VPS37A: variants seen among roughly 807,000 people sequenced by gnomAD.
VPS37A encodes vacuolar protein sorting-associated protein 37A.
In VPS37A, 30 loss-of-function variants were observed where a neutral mutation model predicts 49.8. That is an observed-to-expected ratio of 0.60 (90% CI 0.45 to 0.82). The LOEUF (loss-of-function observed/expected upper bound fraction) is 0.82. VPS37A is among the 40% of genes least tolerant of loss of function. VPS37A has a pLI of 0.00. For missense variants in VPS37A, 593 were observed against 464.4 expected (o/e 1.28, Z -2.55); for synonymous variants, 195 against 160.6 (o/e 1.21, Z -1.62).
At chr8:17,324,180 T>C in the VPS37A span, among the ~76,000 whole-genome samples, 4 of 152,290 alleles carry the variant, frequency 2.6e-5, no homozygotes, top group African/African-American at 9.6e-5. Context: ...TCAAAATTGG[T>C]TACTTCTTTC....
chr8:17,331,666 C>G, the VPS37A span, among the ~76,000 whole-genome samples: 1 of 152,186 alleles, frequency 6.6e-6, no homozygotes, highest in African/African-American at 2.4e-5. Flanking sequence ...TCAGCAGAAA[C>G]AGCTGTCAAA....
At chr8:17,329,133 C>T in the VPS37A span, among the ~76,000 whole-genome samples, 105 of 152,234 alleles carry the variant, frequency 6.9e-4, no homozygotes, top group African/African-American at 1.9e-3. Context: ...ATGAATGAAA[C>T]GCATCATTCA....
chr8:17,311,209 G>T, the VPS37A span, among the ~76,000 whole-genome samples: 1 of 152,092 alleles, frequency 6.6e-6, no homozygotes, highest in Admixed American at 6.5e-5. Context: ...ATACTTATGA[G>T]CAAATGATAT....
At chr8:17,313,668 T>A in the VPS37A span, among the ~76,000 whole-genome samples, 1 of 152,204 alleles carries the variant, frequency 6.6e-6, no homozygotes, top group African/African-American at 2.4e-5. Context: ...ATCCTAATAT[T>A]AATGAAAATC....
chr8:17,291,312 C>T (rs1001622872), intron 11 of VPS37A, among the ~76,000 whole-genome samples: 5 of 152,084 alleles, frequency 3.3e-5, no homozygotes, highest in Non-Finnish European at 5.9e-5. Context: ...CATGCCCATA[C>T]GATCTCCCCT....
chr8:17,273,996 A>T lies in VPS37A; in HGVS notation c.417-737A>T, dbSNP rs553732803. Among the ~76,000 whole-genome samples the T allele has an allele frequency of 2.0e-3, 312 of 152,298 alleles. 1 individual carries two copies. The highest frequency in any genetic ancestry group is 1.6e-3 in the Non-Finnish European group (107 of 68,030). ...TATAAACTCACTGTATTATTCATAT[A>T]TTGTATTTAGATGATTCTCAGTCTG... On this transcript the variant is annotated intron_variant, in intron 4 of 11. Coordinates refer to ENST00000324849, the MANE Select transcript of VPS37A (RefSeq NM_152415.3).
intron 6 of VPS37A, 34 bp from the exon 7 acceptor site, chr8:17,279,994 A>G (rs1209402771): frequency 6.2e-7 from 1 of 1,607,492 alleles, no homozygotes; most frequent in East Asian, 2.2e-5. Flanking sequence ...TCGATGTCTG[A>G]TATTTATTGA....
chr8:17,327,572 C>T, the VPS37A span, among the ~76,000 whole-genome samples: 5 of 152,130 alleles, frequency 3.3e-5, no homozygotes, highest in Non-Finnish European at 7.4e-5. Flanking sequence ...CATGAGCCTC[C>T]ATGCCCTTCC....
At chr8:17,275,030 CCT>C in intron 5 of VPS37A, 72 bp downstream of exon 5, 1 of 1,342,786 alleles carries the variant, frequency 7.4e-7, no homozygotes, top group Non-Finnish European at 1.0e-6. Context: ...TTATTACATG[CCT>C]CTGTGTGCCA....
At chr8:17,271,417 A>G (rs906222062) in intron 4 of VPS37A, among the ~76,000 whole-genome samples, 9 of 152,182 alleles carry the variant, frequency 5.9e-5, no homozygotes, top group African/African-American at 2.2e-4. Flanking sequence ...CATCCTGGCT[A>G]ACACGGTGAA....
At chr8:17,261,786 C>T (rs1489880788) in intron 1 of VPS37A, among the ~76,000 whole-genome samples, 1 of 152,222 alleles carries the variant, frequency 6.6e-6, no homozygotes, top group African/African-American at 2.4e-5. Context: ...CAAACGGTTC[C>T]TGCCCATGGT....
intron 1 of VPS37A, among the ~76,000 whole-genome samples, chr8:17,265,569 T>C (rs1256133422): frequency 6.6e-6 from 1 of 152,234 alleles, no homozygotes; most frequent in African/African-American, 2.4e-5. Flanking sequence ...GATGGATTGC[T>C]CATCTGTATT....
intron 1 of VPS37A, among the ~76,000 whole-genome samples, chr8:17,255,119 G>A (rs1812320726): frequency 6.6e-6 from 1 of 152,084 alleles, no homozygotes; most frequent in Non-Finnish European, 1.5e-5. Flanking sequence ...CTGGATATAT[G>A]GTTGGTGTTC....
the VPS37A span, among the ~76,000 whole-genome samples, chr8:17,321,527 G>T: frequency 6.6e-6 from 1 of 152,198 alleles, no homozygotes; most frequent in Non-Finnish European, 1.5e-5. Flanking sequence ...AAAGCAAAGA[G>T]GTCTGCAGAT....
downstream of VPS37A, among the ~76,000 whole-genome samples, chr8:17,304,152 T>C (rs1244243943): frequency 1.3e-5 from 2 of 152,226 alleles, no homozygotes; most frequent in Non-Finnish European, 1.5e-5. Flanking sequence ...ATATCATTAT[T>C]ATAAAACATC....
intron 11 of VPS37A, among the ~76,000 whole-genome samples, chr8:17,291,966 G>C (rs1816198693): frequency 2.0e-5 from 3 of 152,192 alleles, no homozygotes; most frequent in Admixed American, 2.0e-4. Flanking sequence ...TGGGTGGATA[G>C]TTCTGTAGAT....
At chr8:17,314,214 C>G in the VPS37A span, among the ~76,000 whole-genome samples, 1 of 152,064 alleles carries the variant, frequency 6.6e-6, no homozygotes, top group African/African-American at 2.4e-5. Flanking sequence ...GAGGTTTAGA[C>G]CTATAAAGCC....
chr8:17,330,394 C>G, the VPS37A span, among the ~76,000 whole-genome samples: 1 of 152,340 alleles, frequency 6.6e-6, no homozygotes, highest in South Asian at 2.1e-4. Context: ...TCTGCATCCT[C>G]TGTCTTTTCC....
At chr8:17,328,262 G>C in the VPS37A span, among the ~76,000 whole-genome samples, 1 of 152,110 alleles carries the variant, frequency 6.6e-6, no homozygotes, top group Non-Finnish European at 1.5e-5. Flanking sequence ...CCCTCAACAA[G>C]TGGAGAGATG....
Sources: gnomAD v4.1 joint callset for allele counts (sites outside exome capture counted in the v4.1 genomes callset) on GRCh38, gnomAD v4.1.1 for gene constraint, MANE v1.5 for transcripts, NCBI Gene and HGNC (gene_info 2026-07-23, HGNC 2026-07-21) for gene names.